The following CDH12 variants were observed in gnomAD, a reference collection of about 807,000 sequenced individuals.
CDH12 encodes the protein cadherin-12.
A neutral mutation model predicts 74.1 loss-of-function variants in CDH12; 41 were observed. That is an observed-to-expected ratio of 0.55 (90% CI 0.43 to 0.72). The LOEUF (loss-of-function observed/expected upper bound fraction) is 0.72. CDH12 is among the 30% of genes least tolerant of loss of function. The pLI, the probability that CDH12 is intolerant of heterozygous loss-of-function variation, is 0.00. For missense variants in CDH12, 945 were observed against 977.2 expected (o/e 0.97, Z 0.44); for synonymous variants, 399 against 355.0 (o/e 1.12, Z -1.39).
chr5:22,820,789 G>A (rs180803906), intron 1 of CDH12, among the ~76,000 whole-genome samples: 2,604 of 152,060 alleles, frequency 0.017, 70 homozygotes, highest in African/African-American at 0.06. Flanking sequence ...ATTCACAGCC[G>A]AATTCTACCA....
intron 1 of CDH12, among the ~76,000 whole-genome samples, chr5:22,529,470 C>T (rs557968330): frequency 6.6e-6 from 1 of 152,074 alleles, no homozygotes; most frequent in South Asian, 2.1e-4. Context: ...AACAATGTCC[C>T]AGATCAAGGC....
intron 9 of CDH12, among the ~76,000 whole-genome samples, chr5:21,806,079 T>C (rs1375108151): frequency 1.3e-5 from 2 of 152,226 alleles, no homozygotes; most frequent in Non-Finnish European, 2.9e-5. Flanking sequence ...AGAAATGAAA[T>C]ATGATATACT....
chr5:21,873,711 T>A (rs928593516), intron 6 of CDH12, among the ~76,000 whole-genome samples: 1 of 152,188 alleles, frequency 6.6e-6, no homozygotes, highest in Non-Finnish European at 1.5e-5. Context: ...CCATGGTGGT[T>A]TGCTGCACCT....
rs566737064 is a variant in CDH12, at chr5:22,814,227, C to G, written c.-523+38831G>C. Among the ~76,000 whole-genome samples the G allele has an allele frequency of 1.6e-4, 25 of 152,176 alleles. No homozygotes were observed. The South Asian group carries it at 5.2e-3, about 32-fold the overall frequency. On this transcript the variant is annotated intron_variant, in intron 1 of 14. Coordinates refer to ENST00000382254, the MANE Select transcript of CDH12 (RefSeq NM_004061.5). ...CCCACAGAAAGTACCAGATGGGAAT[C>G]AAACCAGAGATTGCCCCATCAGTCA...
At chr5:22,077,270 T>A (rs1742396960) in intron 5 of CDH12, among the ~76,000 whole-genome samples, 1 of 152,182 alleles carries the variant, frequency 6.6e-6, no homozygotes, top group Admixed American at 6.6e-5. Context: ...TAAAGAACTT[T>A]TCCACTGTAT....
At chr5:21,887,930 G>T (rs1035182466) in intron 6 of CDH12, among the ~76,000 whole-genome samples, 18 of 151,354 alleles carry the variant, frequency 1.2e-4, no homozygotes, top group African/African-American at 4.1e-4. Context: ...TTTCCCCTTA[G>T]TTCCAGGTTT....
intron 3 of CDH12, among the ~76,000 whole-genome samples, chr5:22,404,716 T>C (rs1331148969): frequency 1.3e-5 from 2 of 152,178 alleles, no homozygotes; most frequent in African/African-American, 2.4e-5. Flanking sequence ...AGTATGTGTT[T>C]GAGGAAACAA....
rs192134415 is a variant in CDH12 at position 21,794,691 on chromosome 5, G to T, written c.1256+7476C>A. Among the ~76,000 whole-genome samples the T allele has an allele frequency of 2.7e-3, 414 of 151,662 alleles. 1 individual carries two copies. The highest frequency in any genetic ancestry group is 9.7e-3 in the African/African-American group (401 of 41,456). On this transcript the variant is annotated intron_variant, in intron 10 of 14. Coordinates refer to ENST00000382254, the MANE Select transcript of CDH12 (RefSeq NM_004061.5). ...TCCTGTATACAGTCAAATGATCTAA[G>T]AATTTATAATATATTTTTTAGAGGT...
chr5:22,278,645 T>G (rs2150405087), intron 3 of CDH12, among the ~76,000 whole-genome samples: 1 of 152,268 alleles, frequency 6.6e-6, no homozygotes, highest in African/African-American at 2.4e-5. Context: ...TTAACCGTGA[T>G]ATACATATTA....
chr5:22,801,969 C>G (rs1748551923), intron 1 of CDH12, among the ~76,000 whole-genome samples: 1 of 151,814 alleles, frequency 6.6e-6, no homozygotes, highest in African/African-American at 2.4e-5. Flanking sequence ...TGTGGACCAT[C>G]TAATACCATC....
At chr5:22,381,533 C>T (rs1413492298) in intron 3 of CDH12, among the ~76,000 whole-genome samples, 1 of 151,636 alleles carries the variant, frequency 6.6e-6, no homozygotes, top group African/African-American at 2.4e-5. Flanking sequence ...TATTCCTATG[C>T]GATTTCTCCA....
intron 4 of CDH12, among the ~76,000 whole-genome samples, chr5:22,156,415 T>C (rs892451166): frequency 6.6e-6 from 1 of 152,178 alleles, no homozygotes; most frequent in Non-Finnish European, 1.5e-5. Context: ...TGTTTGCCTA[T>C]AAAGTCTTAC....
intron 1 of CDH12, among the ~76,000 whole-genome samples, chr5:22,685,161 A>G (rs1741697428): frequency 6.6e-6 from 1 of 152,170 alleles, no homozygotes; most frequent in South Asian, 2.1e-4. Flanking sequence ...GTGTACAATT[A>G]TTTGTACAAA....
intron 3 of CDH12, among the ~76,000 whole-genome samples, chr5:22,320,220 AC>A (rs1738810132): frequency 1.3e-5 from 2 of 152,300 alleles, no homozygotes; most frequent in South Asian, 4.1e-4. Context: ...GAAGCAGAAA[AC>A]AAAATGTTAA....
At chr5:22,472,589 T>G (rs538426931) in intron 2 of CDH12, among the ~76,000 whole-genome samples, 1 of 152,262 alleles carries the variant, frequency 6.6e-6, no homozygotes, top group South Asian at 2.1e-4. Context: ...GATCTTCTAC[T>G]CAAAACCAGC....
intron 1 of CDH12, among the ~76,000 whole-genome samples, chr5:22,756,116 A>AAAAG (rs1262498698): frequency 6.8e-6 from 1 of 147,742 alleles, no homozygotes; most frequent in African/African-American, 2.5e-5. Context: ...AAAAAAAAAA[A>AAAAG]AAAGAAAGAA....
At chr5:22,754,578 A>G (rs1029811197) in intron 1 of CDH12, among the ~76,000 whole-genome samples, 19 of 152,126 alleles carry the variant, frequency 1.2e-4, no homozygotes, top group Admixed American at 8.5e-4. Flanking sequence ...ACAAAAAAAA[A>G]AAAAAAACAA....
chr5:22,098,044 C>T (rs2150246303), intron 4 of CDH12, among the ~76,000 whole-genome samples: 1 of 152,262 alleles, frequency 6.6e-6, no homozygotes, highest in East Asian at 1.9e-4. Flanking sequence ...CTCTCCTATC[C>T]TCAATACCTC....
intron 3 of CDH12, among the ~76,000 whole-genome samples, chr5:22,251,225 T>A (rs551417242): frequency 6.6e-6 from 1 of 152,110 alleles, no homozygotes; most frequent in Non-Finnish European, 1.5e-5. Context: ...TGGAGTCACA[T>A]TGGAAGGGCA....
Sources: gnomAD v4.1 joint callset for allele counts (sites outside exome capture counted in the v4.1 genomes callset) on GRCh38, gnomAD v4.1.1 for gene constraint, MANE v1.5 for transcripts, NCBI Gene and HGNC (gene_info 2026-07-23, HGNC 2026-07-21) for gene names.